Variants in SLF1 observed in about 807,000 individuals in gnomAD.
The protein encoded by SLF1 is SMC5/6 complex localization factor 1.
A neutral mutation model predicts 123.0 loss-of-function variants in SLF1; 105 were observed. That is an observed-to-expected ratio of 0.85 (90% confidence interval 0.73 to 1.00). The LOEUF (loss-of-function observed/expected upper bound fraction) is 1.00, where lower values mean the gene tolerates loss of function less well. Ranked by LOEUF, SLF1 falls within the 50% of genes least tolerant of loss-of-function variation. SLF1 has a pLI of 0.00. For synonymous variants in SLF1, 434 were observed against 406.6 expected, an observed-to-expected ratio of 1.07 and a Z score of -0.81; for missense variants, 1,239 against 1,223.0, an observed-to-expected ratio of 1.01 and a Z score of -0.20.
chr5:94,660,899 C>T (rs960072558), intron 9 of SLF1, among the ~76,000 whole-genome samples: 1 of 152,194 alleles, frequency 6.6e-6, no homozygotes, highest in Non-Finnish European at 1.5e-5. Context: ...GTGCTCTCCA[C>T]CTCCTACTCC....
intron 6 of SLF1, among the ~76,000 whole-genome samples, chr5:94,650,508 G>A (rs935587296): frequency 6.6e-6 from 1 of 151,906 alleles, no homozygotes; most frequent in African/African-American, 2.4e-5. Flanking sequence ...GACTACAGGA[G>A]CCCGCCATTG....
At chr5:94,685,064 CCT>C (rs902298321) in intron 15 of SLF1, among the ~76,000 whole-genome samples, 2 of 152,178 alleles carry the variant, frequency 1.3e-5, no homozygotes, top group African/African-American at 4.8e-5. Context: ...GAGAGCAAAT[CCT>C]CTTTTACTTC....
chr5:94,619,572 C>T (rs889558615), intron 1 of SLF1, among the ~76,000 whole-genome samples: 8 of 151,986 alleles, frequency 5.3e-5, no homozygotes, highest in African/African-American at 1.9e-4. Flanking sequence ...ATTTTGGAGG[C>T]GCCAGCCTCT....
At chr5:94,621,257 C>CAT (rs1318945817) in intron 1 of SLF1, among the ~76,000 whole-genome samples, 1 of 152,136 alleles carries the variant, frequency 6.6e-6, no homozygotes, top group East Asian at 1.9e-4. Flanking sequence ...GTAGAAAAGG[C>CAT]ATACAGTTTT....
chr5:94,659,823 G>A (rs1459824535), intron 9 of SLF1, among the ~76,000 whole-genome samples: 1 of 152,124 alleles, frequency 6.6e-6, no homozygotes, highest in Non-Finnish European at 1.5e-5. Flanking sequence ...GCTTGCTTGG[G>A]TGCCAGCAGT....
At chr5:94,632,978 C>T (rs562605395) in intron 4 of SLF1, among the ~76,000 whole-genome samples, 25 of 149,486 alleles carry the variant, frequency 1.7e-4, no homozygotes, top group Non-Finnish European at 3.3e-4. Flanking sequence ...CTTGAGCCAC[C>T]GCGCCCGACC....
chr5:94,686,963 A>G (rs1275124310), intron 16 of SLF1, among the ~76,000 whole-genome samples: 1 of 151,874 alleles, frequency 6.6e-6, no homozygotes, highest in Non-Finnish European at 1.5e-5. Flanking sequence ...ATTTTTTTGT[A>G]TTTTTAGTAG....
intron 11 of SLF1, 140 bp downstream of exon 11, chr5:94,664,048 T>C (rs980369360): frequency 1.4e-6 from 1 of 714,668 alleles, no homozygotes; most frequent in African/African-American, 1.9e-5. Flanking sequence ...CAGTACCCAT[T>C]TATTACTACT....
At chr5:94,647,565 T>C (rs971983757) in intron 5 of SLF1, among the ~76,000 whole-genome samples, 1 of 152,228 alleles carries the variant, frequency 6.6e-6, no homozygotes, top group African/African-American at 2.4e-5. Context: ...CTTTAGTGCA[T>C]AGCACTATAC....
intron 12 of SLF1, among the ~76,000 whole-genome samples, chr5:94,668,113 T>G (rs1750023817): frequency 6.6e-6 from 1 of 152,066 alleles, no homozygotes. Context: ...TTGTCCCTTG[T>G]CTTCACTTTT....
chr5:94,628,995 G>A (rs1481579295), intron 2 of SLF1, 71 bp downstream of exon 2: 1 of 1,403,282 alleles, frequency 7.1e-7, no homozygotes, highest in African/African-American at 1.4e-5. Flanking sequence ...GCCTAAGAAT[G>A]ATAAAATGCC....
In SLF1 at chr5:94,653,385, A is replaced by G; in HGVS notation, c.996A>G (p.Lys332=). The G allele has an allele frequency of 6.6e-7, 1 of 1,524,878 alleles. No homozygotes were observed. Among genetic ancestry groups the G allele is most frequent in the South Asian group, 1.3e-5 (1 of 78,668 alleles). 94.5% of individuals were successfully genotyped at this position (1,524,878 alleles called of 1,614,324 possible). A position where few individuals can be genotyped will look rare whatever the true frequency, so the allele number is the denominator to read the frequency against. ...AAGGCGTTGAACATGAAAAAATAAA[A>G]AGTACCTTAAGAAGGCACATATATA... ...CKKGVEHEKI[K]STLRRHIYNR... Residue 332 remains lysine, a synonymous_variant, in exon 8 of 21, where the codon AAA becomes AAG. Transcript: ENST00000265140.
At chr5:94,680,291 A>C (rs542663534) in intron 15 of SLF1, among the ~76,000 whole-genome samples, 6 of 152,146 alleles carry the variant, frequency 3.9e-5, no homozygotes, top group African/African-American at 1.2e-4. Flanking sequence ...AAAGCATTTT[A>C]TCTCTTTTAT....
chr5:94,666,052 A>G (rs2152488013), intron 12 of SLF1, 28 bp downstream of exon 12: 4 of 1,517,090 alleles, frequency 2.6e-6, no homozygotes, highest in African/African-American at 1.4e-5. Context: ...TGACGATGCT[A>G]CATTTCATTG....
chr5:94,628,195 G>A (rs1744792112), intron 1 of SLF1, among the ~76,000 whole-genome samples: 1 of 151,592 alleles, frequency 6.6e-6, no homozygotes, highest in Non-Finnish European at 1.5e-5. Flanking sequence ...ACCCAGGCTG[G>A]AGTGCAGTGG....
At chr5:94,631,300 G>T (rs1257469657) in intron 4 of SLF1, among the ~76,000 whole-genome samples, 1 of 151,826 alleles carries the variant, frequency 6.6e-6, no homozygotes, top group East Asian at 1.9e-4. Context: ...CAAATTAAGG[G>T]TATATTTTGA....
At chr5:94,671,746 T>G (rs1750485343) in intron 14 of SLF1, among the ~76,000 whole-genome samples, 1 of 151,876 alleles carries the variant, frequency 6.6e-6, no homozygotes, top group East Asian at 1.9e-4. Flanking sequence ...AATTACCTGT[T>G]GAGTACAACT....
chr5:94,654,394 GA>G (rs11427225), intron 8 of SLF1, among the ~76,000 whole-genome samples: 12,603 of 106,708 alleles, frequency 0.12, 551 homozygotes, highest in South Asian at 0.17. Context: ...AGAGTAAAAA[GA>G]AAAAAAAAAA....
At chr5:94,672,157 C>A (rs1410834835) in intron 14 of SLF1, among the ~76,000 whole-genome samples, 2 of 152,012 alleles carry the variant, frequency 1.3e-5, no homozygotes, top group African/African-American at 4.8e-5. Context: ...GCTAATGACA[C>A]CTTATTATTC....
Sources: gnomAD v4.1 joint callset for allele counts (sites outside exome capture counted in the v4.1 genomes callset) on GRCh38, gnomAD v4.1.1 for gene constraint, MANE v1.5 for transcripts, NCBI Gene and HGNC (gene_info 2026-07-23, HGNC 2026-07-21) for gene names.